PCGF3: variants seen among roughly 807,000 people sequenced by gnomAD.
The protein encoded by PCGF3 is polycomb group RING finger protein 3.
In PCGF3, 7 loss-of-function variants were observed where a neutral mutation model predicts 33.1. The observed-to-expected ratio is 0.21, with a 90% confidence interval of 0.12 to 0.40. The LOEUF is 0.40. Among genes scored for constraint, PCGF3 ranks in the 10% least tolerant of loss-of-function variants. PCGF3 has a pLI of 1.00. For missense variants in PCGF3, 211 were observed against 313.3 expected (o/e 0.67, Z 2.46); for synonymous variants, 153 against 121.3 (o/e 1.26, Z -1.72).
rs116194160 is a variant in PCGF3 at position 729,873 on chromosome 4, A to G, written c.-189-757A>G. ...GTCATCCCAGGCCCCCACTTTCCCC[A>G]GTCTGACTCCAGCCACCTGTTTCCC... is the stretch of plus-strand genomic sequence containing the variant. On this transcript the variant is annotated intron_variant, in intron 1 of 10. Transcript: ENST00000362003. Among the ~76,000 whole-genome samples the G allele has an allele frequency of 6.9e-3, 1,049 of 152,270 alleles. 14 individuals are homozygous for G. Among genetic ancestry groups the G allele is most frequent in the African/African-American group, 0.024 (999 of 41,554 alleles).
chr4:708,095 G>C lies in PCGF3; in HGVS notation c.-190+2125G>C, dbSNP rs113674949. ...GGGACAGCCCTGTTTTCACCTGGGG[G>C]CCGGGACCCTGAGACAGCCCTGTTT... On this transcript the variant is annotated intron_variant, in intron 1 of 10. Transcript: ENST00000362003. Among the ~76,000 whole-genome samples the C allele has an allele frequency of 2.5e-3, 362 of 144,000 alleles. 26 individuals carry two copies. The highest frequency in any genetic ancestry group is 0.01 in the African/African-American group (346 of 34,092). 94.5% of individuals were successfully genotyped at this position (144,000 alleles called of 152,430 possible). A position where few individuals can be genotyped will look rare whatever the true frequency, so the allele number is the denominator to read the frequency against.
At chr4:751,213 A>T (rs191998963) in intron 8 of PCGF3, among the ~76,000 whole-genome samples, 66 of 152,210 alleles carry the variant, frequency 4.3e-4, no homozygotes, top group Admixed American at 1.3e-3. Flanking sequence ...TAACTTCGTG[A>T]TGAGTTCCTG....
chr4:716,793 C>T (rs1316739585), intron 1 of PCGF3, among the ~76,000 whole-genome samples: 3 of 126,244 alleles, frequency 2.4e-5, no homozygotes, highest in Non-Finnish European at 4.9e-5. Context: ...GGCGTCGGTG[C>T]TGGGACCCTG....
intron 8 of PCGF3, among the ~76,000 whole-genome samples, chr4:750,941 C>T (rs972443038): frequency 3.3e-5 from 5 of 152,126 alleles, no homozygotes; most frequent in African/African-American, 9.7e-5. Flanking sequence ...TCCACCCTCC[C>T]TGTCATTTGT....
At chr4:766,157 T>A (rs2152630189) in exon 11 of PCGF3, 2 of 1,191,630 alleles carry the variant, frequency 1.7e-6, no homozygotes, top group East Asian at 2.3e-5. Flanking sequence ...GAACATTGCC[T>A]CTGGGTGTCA....
In PCGF3 at chr4:734,580, T is replaced by C. The variant is rs377154901; in HGVS notation, c.110-351T>C. ...ATCTAGTTGTACGTAGAAGATACTGTCATCTTTTAGGACAAAGTATTGTAA... is the reference window on the plus strand; with the variant it reads ...ATCTAGTTGTACGTAGAAGATACTGCCATCTTTTAGGACAAAGTATTGTAA... On this transcript the variant is annotated intron_variant, in intron 4 of 10. Coordinates refer to ENST00000362003, the Ensembl canonical transcript of PCGF3. 8.6e-5 allele frequency: 100 copies of C among 1,164,674 alleles called. 1 individual carries two copies. The East Asian group carries it at 1.3e-3, about 15-fold the overall frequency. 72.1% of individuals were successfully genotyped at this position (1,164,674 alleles called of 1,614,324 possible).
intron 1 of PCGF3, among the ~76,000 whole-genome samples, chr4:709,239 T>A (rs1179963889): frequency 6.6e-6 from 1 of 151,500 alleles, no homozygotes; most frequent in Non-Finnish European, 1.5e-5. Context: ...GAGTGAATGA[T>A]GCATGAACAA....
intron 10 of PCGF3, among the ~76,000 whole-genome samples, chr4:765,784 A>G (rs994308536): frequency 1.3e-5 from 2 of 152,192 alleles, no homozygotes; most frequent in Non-Finnish European, 1.5e-5. Context: ...ACAGGTGGCC[A>G]CCACGGTGTG....
intron 1 of PCGF3, among the ~76,000 whole-genome samples, chr4:716,593 C>T (rs1222915607): frequency 7.7e-6 from 1 of 130,574 alleles, no homozygotes; most frequent in Non-Finnish European, 1.6e-5. Flanking sequence ...ACCCTGTAGA[C>T]ACTGAGTGTG....
intron 1 of PCGF3, among the ~76,000 whole-genome samples, chr4:716,160 T>A (rs1372125132): frequency 9.0e-6 from 1 of 111,470 alleles, no homozygotes; most frequent in Admixed American, 8.8e-5. Context: ...ACACTGAGTG[T>A]GAGAACTGGG....
At chr4:763,075 C>T (rs536416617) in intron 9 of PCGF3, among the ~76,000 whole-genome samples, 16 of 150,602 alleles carry the variant, frequency 1.1e-4, no homozygotes, top group East Asian at 5.8e-4. Context: ...GACAGCACAC[C>T]GGGGTTGGGG....
intron 9 of PCGF3, among the ~76,000 whole-genome samples, chr4:763,947 G>T (rs1230444913): frequency 6.6e-6 from 1 of 152,198 alleles, no homozygotes; most frequent in Non-Finnish European, 1.5e-5. Context: ...AAGTAGAGAA[G>T]CCCCTCTGAA....
chr4:765,112 C>T (rs749439325), intron 10 of PCGF3, 48 bp downstream of exon 10: 11 of 1,289,126 alleles, frequency 8.5e-6, no homozygotes, highest in South Asian at 7.2e-5. Context: ...ATGGCAGTGA[C>T]TTTGCTGTGC....
chr4:717,994 G>T (rs918333621), intron 1 of PCGF3, among the ~76,000 whole-genome samples: 3 of 152,172 alleles, frequency 2.0e-5, no homozygotes, highest in Non-Finnish European at 2.9e-5. Context: ...TGTGGCAGAG[G>T]CGAGGGTGCT....
At chr4:769,516 C>T (rs1397503592) in exon 11 of PCGF3, 1 of 152,704 alleles carries the variant, frequency 6.5e-6, no homozygotes, top group East Asian at 1.9e-4. Flanking sequence ...TCTGCCTTGA[C>T]ATTTAAATAC....
At chr4:768,995 A>C (rs1251025889) in exon 11 of PCGF3, 2 of 152,712 alleles carry the variant, frequency 1.3e-5, no homozygotes, top group African/African-American at 4.8e-5. Context: ...CAAAATATGT[A>C]CATTCAGCTG....
chr4:727,842 G>C (rs537738719), intron 1 of PCGF3, among the ~76,000 whole-genome samples: 7 of 152,186 alleles, frequency 4.6e-5, no homozygotes, highest in African/African-American at 1.7e-4. Flanking sequence ...GTTTTGTCAG[G>C]CTCATAGTGT....
chr4:711,968 TAA>T (rs33940915), intron 1 of PCGF3, among the ~76,000 whole-genome samples: 6 of 149,108 alleles, frequency 4.0e-5, no homozygotes, highest in Admixed American at 6.7e-5. Context: ...AAATAAAAAG[TAA>T]AAAAAAAAAG....
intron 9 of PCGF3, chr4:762,010 G>A (rs558146765): frequency 4.1e-6 from 4 of 985,372 alleles, no homozygotes; most frequent in East Asian, 2.3e-4. Context: ...ACGCAGGAGA[G>A]GCCAGCGCCA....
Sources: gnomAD v4.1 joint callset for allele counts (sites outside exome capture counted in the v4.1 genomes callset) on GRCh38, gnomAD v4.1.1 for gene constraint, MANE v1.5 for transcripts, NCBI Gene and HGNC (gene_info 2026-07-23, HGNC 2026-07-21) for gene names.